Variants in NKAIN2 observed in about 807,000 individuals in gnomAD.
The protein encoded by NKAIN2 is sodium/potassium transporting ATPase interacting 2.
Under a neutral mutation model 32.6 loss-of-function variants are expected in NKAIN2, and 14 were observed. That is an observed-to-expected ratio of 0.43 (90% CI 0.28 to 0.67). The LOEUF (loss-of-function observed/expected upper bound fraction) is 0.67, where lower values mean the gene tolerates loss of function less well. Among genes scored for constraint, NKAIN2 ranks in the 30% least tolerant of loss-of-function variants. NKAIN2 has a pLI of 0.17. For synonymous variants in NKAIN2, 80 were observed against 87.2 expected (o/e 0.92, Z 0.46); for missense variants, 198 against 258.3 (o/e 0.77, Z 1.60).
In NKAIN2 at chr6:124,658,226, G is replaced by A. The variant is rs767024716; in HGVS notation, c.314G>A (p.Arg105Gln). The change falls in exon 4 of 7, where the codon CGA becomes CAA. Residue 105 changes from arginine to glutamine, a missense_variant. Coordinates refer to ENST00000368417, the MANE Select transcript of NKAIN2 (RefSeq NM_001040214.3). ...LILTFNISMH[R>Q]SWWMENGPGC... ...CTGACTTTTAATATATCAATGCACC[G>A]ATCTTGGTGGATGGAGAATGGACCA... The A allele has an allele frequency of 5.0e-6, 8 of 1,613,534 alleles. No homozygotes were observed. Among genetic ancestry groups the A allele is most frequent in the Admixed American group, 3.3e-5 (2 of 59,964 alleles).
chr6:124,058,610 T>A (rs141739206), intron 1 of NKAIN2, among the ~76,000 whole-genome samples: 8 of 152,078 alleles, frequency 5.3e-5, no homozygotes, highest in Non-Finnish European at 8.8e-5. Flanking sequence ...AGTCAACATC[T>A]AATTCATGGT....
At chr6:123,825,897 C>T (rs148747619) in intron 1 of NKAIN2, among the ~76,000 whole-genome samples, 4 of 152,220 alleles carry the variant, frequency 2.6e-5, no homozygotes, top group African/African-American at 9.6e-5. Flanking sequence ...TAACTCAAAT[C>T]AGTCGAAGCA....
chr6:123,904,252 G>GA (rs1457887776), intron 1 of NKAIN2, among the ~76,000 whole-genome samples: 7 of 151,354 alleles, frequency 4.6e-5, no homozygotes, highest in African/African-American at 7.3e-5. Context: ...AAAAAAGAAA[G>GA]AAAAAAAAGA....
At chr6:124,014,217 A>G (rs905131424) in intron 1 of NKAIN2, among the ~76,000 whole-genome samples, 6 of 152,214 alleles carry the variant, frequency 3.9e-5, no homozygotes, top group Non-Finnish European at 8.8e-5. Context: ...TGAATAAAAA[A>G]GATAAAAACT....
At chr6:124,706,667 G>C (rs184641911) in intron 4 of NKAIN2, among the ~76,000 whole-genome samples, 67 of 152,262 alleles carry the variant, frequency 4.4e-4, no homozygotes, top group African/African-American at 1.4e-3. Context: ...GTATAAATAA[G>C]TGGTCAAAGA....
At chr6:124,343,100 T>A (rs368294659) in intron 2 of NKAIN2, among the ~76,000 whole-genome samples, 1 of 151,444 alleles carries the variant, frequency 6.6e-6, no homozygotes, top group Admixed American at 6.6e-5. Context: ...TTTGTCCTTG[T>A]GATAGTTTAC....
At chr6:124,011,722 G>A (rs1780338057) in intron 1 of NKAIN2, among the ~76,000 whole-genome samples, 1 of 151,982 alleles carries the variant, frequency 6.6e-6, no homozygotes, top group Non-Finnish European at 1.5e-5. Flanking sequence ...TTGGCCCTTA[G>A]CCAGTAAAGG....
At chr6:124,135,515 T>TAAAAAAAA (rs56183476) in intron 1 of NKAIN2, among the ~76,000 whole-genome samples, 1 of 100,408 alleles carries the variant, frequency 1.0e-5, no homozygotes, top group African/African-American at 3.9e-5. Context: ...GCAACGATAG[T>TAAAAAAAA]AAAAAAAAAA....
At chr6:124,567,027 T>G (rs992705821) in intron 3 of NKAIN2, among the ~76,000 whole-genome samples, 1 of 152,240 alleles carries the variant, frequency 6.6e-6, no homozygotes, top group Non-Finnish European at 1.5e-5. Context: ...TTCTTTAAAT[T>G]CTTTAGTACT....
intron 1 of NKAIN2, among the ~76,000 whole-genome samples, chr6:124,144,081 A>T (rs982508726): frequency 2.0e-5 from 3 of 152,238 alleles, no homozygotes; most frequent in African/African-American, 7.2e-5. Context: ...GCCATTTAAT[A>T]TTATAAAGAT....
At chr6:123,825,704 A>G (rs1774118457) in intron 1 of NKAIN2, among the ~76,000 whole-genome samples, 1 of 152,292 alleles carries the variant, frequency 6.6e-6, no homozygotes, top group East Asian at 1.9e-4. Flanking sequence ...GCAATTCAGT[A>G]ACTGTGGACA....
chr6:124,384,407 A>G (rs2114386816), intron 3 of NKAIN2, among the ~76,000 whole-genome samples: 1 of 152,290 alleles, frequency 6.6e-6, no homozygotes, highest in Admixed American at 6.5e-5. Context: ...GGATTACTCT[A>G]TATCATCTTC....
intron 1 of NKAIN2, among the ~76,000 whole-genome samples, chr6:123,917,764 A>T (rs1018224811): frequency 5.3e-5 from 8 of 152,146 alleles, no homozygotes. Flanking sequence ...TGAACACATT[A>T]CAGGAAGATT....
chr6:123,895,632 G>C (rs1189666631), intron 1 of NKAIN2, among the ~76,000 whole-genome samples: 1 of 152,156 alleles, frequency 6.6e-6, no homozygotes, highest in African/African-American at 2.4e-5. Flanking sequence ...TAACTAGGGT[G>C]GGGAGTTAGC....
At chr6:124,377,633 G>GTT (rs1800049471) in intron 3 of NKAIN2, among the ~76,000 whole-genome samples, 1 of 152,142 alleles carries the variant, frequency 6.6e-6, no homozygotes, top group Non-Finnish European at 1.5e-5. Context: ...AAGAGGAAGA[G>GTT]AAATGTGAGG....
Position 124,331,372 on chromosome 6 carries a change from A to C in NKAIN2, c.193-23895A>C, listed in dbSNP as rs1056484800. Among the ~76,000 whole-genome samples the C allele has an allele frequency of 4.2e-5, 6 of 144,528 alleles. No homozygotes were observed. The East Asian group carries it at 9.9e-4, about 24-fold the overall frequency. The allele number at this position is 144,528 out of a possible 152,430, so 94.8% of individuals were successfully genotyped here. ...AAAAAAAAAAAAAAAAAAAAAAAAA[A>C]AAAAAAACTAGCTGGGCGTGGTGGC... On this transcript the variant is annotated intron_variant, in intron 2 of 6. Transcript: ENST00000368417.
chr6:124,458,196 A>T (rs962664661), intron 3 of NKAIN2, among the ~76,000 whole-genome samples: 2 of 151,982 alleles, frequency 1.3e-5, no homozygotes, highest in African/African-American at 4.8e-5. Flanking sequence ...TACAGTTATT[A>T]AAAAAGCAAA....
intron 1 of NKAIN2, among the ~76,000 whole-genome samples, chr6:124,025,386 T>C (rs1781059644): frequency 6.6e-6 from 1 of 151,610 alleles, no homozygotes; most frequent in Non-Finnish European, 1.5e-5. Flanking sequence ...GGAATGGTGA[T>C]ATCACAACAG....
At chr6:123,968,358 CT>C (rs1438436922) in intron 1 of NKAIN2, among the ~76,000 whole-genome samples, 1 of 152,140 alleles carries the variant, frequency 6.6e-6, no homozygotes, top group Non-Finnish European at 1.5e-5. Flanking sequence ...ATGATTCCAT[CT>C]TGGGGCTGAA....
Sources: gnomAD v4.1 joint callset for allele counts (sites outside exome capture counted in the v4.1 genomes callset) on GRCh38, gnomAD v4.1.1 for gene constraint, MANE v1.5 for transcripts, NCBI Gene and HGNC (gene_info 2026-07-23, HGNC 2026-07-21) for gene names.